The following HERPUD2 variants were observed in gnomAD, a reference collection of about 807,000 sequenced individuals.
HERPUD2 encodes HERPUD family member 2, also known as homocysteine-responsive endoplasmic reticulum-resident ubiquitin-like domain member 2 protein.
HERPUD2 carries 13 observed loss-of-function variants against 49.9 expected under a neutral mutation model. The ratio of observed to expected loss-of-function variants is 0.26; its 90% confidence interval spans 0.17 to 0.41. The LOEUF (loss-of-function observed/expected upper bound fraction) is 0.41. HERPUD2 is among the 10% of genes least tolerant of loss of function. The pLI, the probability that HERPUD2 is intolerant of heterozygous loss-of-function variation, is 1.00. For synonymous variants in HERPUD2, 172 were observed against 171.4 expected (o/e 1.00, Z -0.03); for missense variants, 449 against 492.2 (o/e 0.91, Z 0.83).
At chr7:35,664,250 G>A (rs890035739) in intron 5 of HERPUD2, among the ~76,000 whole-genome samples, 11 of 152,148 alleles carry the variant, frequency 7.2e-5, no homozygotes, top group African/African-American at 1.9e-4. Context: ...AGTTTCTGCC[G>A]AGAGATCAGC....
intron 4 of HERPUD2, among the ~76,000 whole-genome samples, chr7:35,669,388 G>A (rs1358251173): frequency 6.6e-6 from 1 of 152,140 alleles, no homozygotes; most frequent in Admixed American, 6.6e-5. Flanking sequence ...TCCCACCCCT[G>A]TCACTTGTGC....
intron 2 of HERPUD2, among the ~76,000 whole-genome samples, chr7:35,691,383 G>C (rs561780528): frequency 1.3e-4 from 17 of 129,476 alleles, no homozygotes; most frequent in African/African-American, 4.5e-4. Flanking sequence ...ATCCTAAAAG[G>C]ACAATCTCAA....
intron 2 of HERPUD2, 124 bp downstream of exon 2, chr7:35,694,060 C>T (rs1786257337): frequency 2.1e-6 from 2 of 933,814 alleles, no homozygotes; most frequent in Admixed American, 2.0e-5. Context: ...ACTCAAAATA[C>T]CTCGCGGTCT....
At chr7:35,661,454 T>C (rs900762439) in intron 5 of HERPUD2, among the ~76,000 whole-genome samples, 3 of 152,202 alleles carry the variant, frequency 2.0e-5, no homozygotes, top group African/African-American at 7.2e-5. Flanking sequence ...AATCTATGAA[T>C]TACCTTGGGC....
chr7:35,637,152 AAGAAAGAAAGAT>A (rs1254131361), intron 6 of HERPUD2, among the ~76,000 whole-genome samples: 1 of 145,094 alleles, frequency 6.9e-6, no homozygotes, highest in Non-Finnish European at 1.5e-5. Flanking sequence ...GAAAGAAAGA[AAGAAAGAAAGAT>A]AGATAGATAG....
intron 2 of HERPUD2, among the ~76,000 whole-genome samples, chr7:35,682,592 G>C (rs890185092): frequency 4.0e-5 from 6 of 151,202 alleles, no homozygotes; most frequent in African/African-American, 1.2e-4. Flanking sequence ...AAGAAATAAA[G>C]GGCATCCAAA....
At chr7:35,656,847 A>G (rs1785286104) in intron 5 of HERPUD2, among the ~76,000 whole-genome samples, 1 of 152,220 alleles carries the variant, frequency 6.6e-6, no homozygotes, top group Admixed American at 6.5e-5. Flanking sequence ...TTCTCTCACC[A>G]TATAAAAAAA....
chr7:35,685,481 G>C (rs867182990), intron 2 of HERPUD2, among the ~76,000 whole-genome samples: 68 of 151,446 alleles, frequency 4.5e-4, no homozygotes, highest in African/African-American at 1.6e-3. Flanking sequence ...GTGCCACTAT[G>C]CCCAGCTAAT....
rs535057908 is a variant in HERPUD2 at position 35,632,768 on chromosome 7, T to C, written c.*922A>G. The C allele has an allele frequency of 3.2e-4, 49 of 152,706 alleles. No individual in the cohort carries two copies. The South Asian group carries it at 8.9e-3, about 28-fold the overall frequency. The allele number at this position is 152,706 out of a possible 1,614,324, so 9.5% of individuals were successfully genotyped here. A position where few individuals can be genotyped will look rare whatever the true frequency, so the allele number is the denominator to read the frequency against. On this transcript the variant is annotated 3_prime_UTR_variant, in exon 9 of 9. Coordinates refer to ENST00000311350, the MANE Select transcript of HERPUD2 (RefSeq NM_022373.5). ...AACATTTTATATCACGTTAATTCCA[T>C]TGAAGAGCTGCCTTTTTCTGTTAAG...
At chr7:35,687,452 C>A (rs1271529166) in intron 2 of HERPUD2, among the ~76,000 whole-genome samples, 2 of 152,176 alleles carry the variant, frequency 1.3e-5, no homozygotes, top group Non-Finnish European at 2.9e-5. Flanking sequence ...GATGGCAGTG[C>A]AGAATCAGCC....
chr7:35,677,084 T>C (rs1362854114), intron 2 of HERPUD2, among the ~76,000 whole-genome samples: 2 of 152,198 alleles, frequency 1.3e-5, no homozygotes, highest in Non-Finnish European at 1.5e-5. Flanking sequence ...GTAAAAACTA[T>C]AAACAAGGTG....
chr7:35,686,262 C>T (rs984332976), intron 2 of HERPUD2, among the ~76,000 whole-genome samples: 3 of 148,372 alleles, frequency 2.0e-5, no homozygotes, highest in Non-Finnish European at 4.5e-5. Context: ...GATCTCAGCT[C>T]ACTACAAACT....
chr7:35,685,677 A>C (rs780268707), intron 2 of HERPUD2, among the ~76,000 whole-genome samples: 13 of 152,132 alleles, frequency 8.5e-5, no homozygotes, highest in Non-Finnish European at 1.0e-4. Flanking sequence ...AATATCAATG[A>C]ATTTAATTTA....
At chr7:35,694,116 A>C in intron 2 of HERPUD2, 68 bp downstream of exon 2, 1 of 1,551,808 alleles carries the variant, frequency 6.4e-7, no homozygotes. Flanking sequence ...GAGAAGCAGG[A>C]AAAAGGAGGG....
At chr7:35,669,005 A>AT (rs1286762844) in intron 4 of HERPUD2, among the ~76,000 whole-genome samples, 1 of 152,162 alleles carries the variant, frequency 6.6e-6, no homozygotes, top group Non-Finnish European at 1.5e-5. Flanking sequence ...TCAGGCTTTC[A>AT]TAACACTGAA....
chr7:35,650,800 A>G (rs150385773), intron 5 of HERPUD2, among the ~76,000 whole-genome samples: 1 of 152,240 alleles, frequency 6.6e-6, no homozygotes. Flanking sequence ...TCCCAGTAAC[A>G]GGCTGCAGTG....
chr7:35,694,349 C>G lies in HERPUD2; in HGVS notation c.-19G>C. ...GGTCCATGGTGCCCCCAAAGTCAGA[C>G]AGAGTCCAGAGGAGCGGCAGTTAAG... On this transcript the variant is annotated 5_prime_UTR_variant, in exon 2 of 9. Transcript: ENST00000311350. 6.2e-7 allele frequency: 1 copy of G among 1,614,050 alleles called. No homozygotes were observed. Among genetic ancestry groups the G allele is most frequent in the Non-Finnish European group, 8.5e-7 (1 of 1,179,934 alleles).
Position 35,633,848 on chromosome 7 carries a change from G to T in HERPUD2, c.1063C>A (p.Arg355Ser). 1 of 1,611,648 alleles carries T rather than the reference G, an allele frequency of 6.2e-7. No homozygotes were observed. The highest frequency in any genetic ancestry group is 8.5e-7 in the Non-Finnish European group (1 of 1,179,072). The stretch of plus-strand genomic sequence containing the variant: ...TCTTCAAGCCCATCATCCATAAGAC[G>T]CTCCTTTCAAGCAAAACAAGAAAGA... ...ANNLELEEMERLMDDGLEDES... is the reference protein window; with the variant it reads ...ANNLELEEMESLMDDGLEDES... The change falls in exon 9 of 9, where the codon CGT (arginine) becomes AGT (serine). Residue 355 changes from arginine to serine, a missense_variant. Coordinates refer to ENST00000311350, the MANE Select transcript of HERPUD2 (RefSeq NM_022373.5).
At chr7:35,689,060 ACAAT>A (rs1786128039) in intron 2 of HERPUD2, among the ~76,000 whole-genome samples, 2 of 152,352 alleles carry the variant, frequency 1.3e-5, no homozygotes, top group South Asian at 2.1e-4. Context: ...AGCATTCTAG[ACAAT>A]CAAAGCAGAA....
Sources: allele counts gnomAD v4.1 joint callset (sites outside exome capture counted in the v4.1 genomes callset), GRCh38; gene constraint gnomAD v4.1.1; transcripts MANE v1.5; gene names NCBI Gene and HGNC (gene_info 2026-07-23, HGNC 2026-07-21).